ZEB2: variants seen among roughly 807,000 people sequenced by gnomAD.
The protein encoded by ZEB2 is zinc finger E-box-binding homeobox 2.
ZEB2 carries 6 observed loss-of-function variants against 99.9 expected under a neutral mutation model. The ratio of observed to expected loss-of-function variants is 0.06; its 90% CI spans 0.03 to 0.12. ZEB2 has a LOEUF of 0.12. Among genes scored for constraint, ZEB2 ranks in the 10% least tolerant of loss-of-function variants. The probability of loss-of-function intolerance (pLI) is 1.00; values close to 1 mark genes in which losing one functional copy is unlikely to be tolerated. For synonymous variants in ZEB2, 517 were observed against 542.5 expected, an observed-to-expected ratio of 0.95 and a Z score of 0.65; for missense variants, 969 against 1,502.8, an observed-to-expected ratio of 0.64 and a Z score of 5.87.
intron 2 of ZEB2, chr2:144,513,023 C>A: frequency 7.8e-7 from 1 of 1,287,244 alleles, no homozygotes; most frequent in Non-Finnish European, 1.0e-6. Context: ...TGACAGTGAT[C>A]CGAAGGAAAC....
chr2:144,441,081 C>T (rs1703909855), intron 2 of ZEB2, among the ~76,000 whole-genome samples: 1 of 148,112 alleles, frequency 6.8e-6, no homozygotes. Flanking sequence ...TCTGCTTGGA[C>T]ACCACAGCGC....
chr2:144,449,651 C>T (rs1471314518), intron 2 of ZEB2: 1 of 152,240 alleles, frequency 6.6e-6, no homozygotes, highest in African/African-American at 2.4e-5. Flanking sequence ...AGGTAGATGC[C>T]TTGACTCAGA....
chr2:144,457,337 A>C (rs1355766215), intron 2 of ZEB2, among the ~76,000 whole-genome samples: 2 of 152,062 alleles, frequency 1.3e-5, no homozygotes, highest in Non-Finnish European at 2.9e-5. Context: ...TTCCCACATC[A>C]CCTCGTGTTA....
intron 2 of ZEB2, chr2:144,445,096 G>A (rs1703965333): frequency 6.6e-6 from 1 of 152,154 alleles, no homozygotes; most frequent in South Asian, 2.1e-4. Flanking sequence ...CTGACAGTAA[G>A]TAATATTTTG....
chr2:144,389,577 A>G lies in ZEB2; in HGVS notation c.3519T>C (p.Asp1173=). 1.2e-6 allele frequency: 2 copies of G among 1,613,882 alleles called. No homozygotes were observed. The highest frequency in any genetic ancestry group is 1.7e-6 in the Non-Finnish European group (2 of 1,179,998). The change falls in exon 10 of 10, where the codon GAT becomes GAC. Residue 1173 remains aspartate, a synonymous_variant. Coordinates refer to ENST00000627532, the MANE Select transcript of ZEB2 (RefSeq NM_014795.4). This position sits in a 1 kb window ranked among gnomAD's most constrained non-coding sequence, Gnocchi z 6.8. ...EEEESENKSM[D]TDPETIRDEE... is the part of the protein sequence containing the mutation. Reference sequence around the variant, plus strand: ...CATCTCGTATCGTTTCGGGATCCGTATCCATACTTTTATTTTCACTTTCTT... The same window carrying G: ...CATCTCGTATCGTTTCGGGATCCGTGTCCATACTTTTATTTTCACTTTCTT...
At chr2:144,440,612 T>G (rs560050861) in intron 2 of ZEB2, among the ~76,000 whole-genome samples, 9 of 150,986 alleles carry the variant, frequency 6.0e-5, no homozygotes, top group African/African-American at 2.2e-4. Flanking sequence ...TTCATCCCAT[T>G]TTTTGGCCAG....
rs1321306454 is a variant in ZEB2, at chr2:144,513,765, T to C, written c.73+3513A>G. The C allele has an allele frequency of 4.6e-6, 7 of 1,536,056 alleles. No individual in the cohort carries two copies. The highest frequency in any genetic ancestry group is 6.1e-6 in the Non-Finnish European group (7 of 1,146,886). ...CGGTGGCAAGCAGCAGCAGGGCATC[T>C]CCCGCTCCGAGTGCTCATTTCTGAC... On this transcript the variant is annotated intron_variant, in intron 2 of 9. Coordinates refer to ENST00000627532, the MANE Select transcript of ZEB2 (RefSeq NM_014795.4).
chr2:144,481,022 T>C (rs991022223), intron 2 of ZEB2, among the ~76,000 whole-genome samples: 7 of 152,076 alleles, frequency 4.6e-5, no homozygotes, highest in South Asian at 2.1e-4. Context: ...CCACAATACA[T>C]TGATTTTGTT....
At position 144,511,369 on chromosome 2, in the gene ZEB2, T is replaced by C. The variant is rs536895695; in HGVS notation, c.73+5909A>G. ...AACACACACATGCACATACACAGCA[T>C]AAAAACACTACAGAACACCTTAAAA... On this transcript the variant is annotated intron_variant, in intron 2 of 9. Coordinates refer to ENST00000627532, the MANE Select transcript of ZEB2 (RefSeq NM_014795.4). 12 of 1,189,064 alleles carry C rather than the reference T, an allele frequency of 1.0e-5. 2 individuals carry two copies. In the African/African-American group the frequency reaches 1.4e-4, roughly 14 times the overall value. The allele number at this position is 1,189,064 out of a possible 1,614,324, so 73.7% of individuals were successfully genotyped here. A position where few individuals can be genotyped will look rare whatever the true frequency, so the allele number is the denominator to read the frequency against.
At chr2:144,499,220 T>C (rs1260069286) in intron 2 of ZEB2, among the ~76,000 whole-genome samples, 1 of 152,216 alleles carries the variant, frequency 6.6e-6, no homozygotes, top group East Asian at 1.9e-4. Flanking sequence ...ACTCCAGTGG[T>C]ATCAAGCCAG....
chr2:144,449,294 T>C (rs1184015895), intron 2 of ZEB2, among the ~76,000 whole-genome samples: 2 of 152,166 alleles, frequency 1.3e-5, no homozygotes, highest in Non-Finnish European at 2.9e-5. Flanking sequence ...GGGGGAGCTA[T>C]TCAGGAAAAT....
intron 4 of ZEB2, among the ~76,000 whole-genome samples, chr2:144,419,708 A>G (rs1055516381): frequency 8.5e-5 from 13 of 152,202 alleles, no homozygotes; most frequent in Admixed American, 5.9e-4. Flanking sequence ...AATCCTATTA[A>G]TATCTGAAAG....
intron 2 of ZEB2, chr2:144,462,921 A>G (rs1373916147): frequency 2.0e-5 from 3 of 152,192 alleles, no homozygotes; most frequent in Admixed American, 6.5e-5. Flanking sequence ...TTATAGGAGT[A>G]TTGTATTAGC....
At chr2:144,512,950 A>G in intron 2 of ZEB2, 1 of 1,287,238 alleles carries the variant, frequency 7.8e-7, no homozygotes, top group South Asian at 1.2e-5. Context: ...AAGCTCATCA[A>G]CTTTACGAAG....
intron 2 of ZEB2, among the ~76,000 whole-genome samples, chr2:144,432,475 C>A (rs1703786792): frequency 6.6e-6 from 1 of 152,122 alleles, no homozygotes. Context: ...TATCTGAATT[C>A]AAATGAGACA....
intron 2 of ZEB2, among the ~76,000 whole-genome samples, chr2:144,455,928 C>G (rs1386679783): frequency 6.6e-6 from 1 of 152,054 alleles, no homozygotes; most frequent in African/African-American, 2.4e-5. Flanking sequence ...ATCACATAAT[C>G]TTAAAAAAGG....
chr2:144,398,247 T>C, intron 8 of ZEB2, 54 bp downstream of exon 8: 1 of 1,606,248 alleles, frequency 6.2e-7, no homozygotes, highest in Non-Finnish European at 8.5e-7. Context: ...ATGCACATAA[T>C]CAAAATAATT....
intron 2 of ZEB2, chr2:144,512,016 A>G (rs894641098): frequency 1.2e-5 from 15 of 1,287,112 alleles, no homozygotes; most frequent in Non-Finnish European, 1.5e-5. Flanking sequence ...AAAGACAACC[A>G]AAGAGCAATC....
chr2:144,493,483 T>A (rs556062392), intron 2 of ZEB2, among the ~76,000 whole-genome samples: 1 of 152,348 alleles, frequency 6.6e-6, no homozygotes, highest in East Asian at 1.9e-4. Flanking sequence ...AATCAGAATG[T>A]GGACACAAAT....
Sources: gnomAD v4.1 joint callset for allele counts (sites outside exome capture counted in the v4.1 genomes callset) on GRCh38, gnomAD v4.1.1 for gene constraint, Gnocchi (gnomAD v3.1) non-coding constraint, MANE v1.5 for transcripts, NCBI Gene and HGNC (gene_info 2026-07-23, HGNC 2026-07-21) for gene names.